Variants in MYRIP observed in about 807,000 individuals in gnomAD.
MYRIP encodes the protein rab effector MyRIP.
MYRIP carries 49 observed loss-of-function variants against 98.0 expected under a neutral mutation model. The ratio of observed to expected loss-of-function variants is 0.50; its 90% confidence interval spans 0.40 to 0.63. MYRIP has a LOEUF of 0.63. Among genes scored for constraint, MYRIP ranks in the 30% least tolerant of loss-of-function variants. MYRIP has a pLI of 0.00. For synonymous variants in MYRIP, 404 were observed against 409.5 expected (o/e 0.99, Z 0.16); for missense variants, 1,004 against 1,058.2 (o/e 0.95, Z 0.71).
chr3:40,177,043 C>T (rs192429980), intron 8 of MYRIP, among the ~76,000 whole-genome samples: 131 of 151,404 alleles, frequency 8.7e-4, no homozygotes, highest in Non-Finnish European at 1.4e-3. Context: ...CCACTGCACT[C>T]TAGCCTGGGC....
rs1233785668 is a variant in MYRIP, at chr3:40,210,017, A to G, written c.1829A>G (p.Lys610Arg). 1 of 1,614,042 alleles carries G rather than the reference A, an allele frequency of 6.2e-7. No homozygotes were observed. The highest frequency in any genetic ancestry group is 8.5e-7 in the Non-Finnish European group (1 of 1,179,998). ...GGGGAGGATCAGGAGTCTGAGCCCA[A>G]GACAGAATCTGAGAACCAGAAGGAA... ...SSGEDQESEP[K>R]TESENQKESL... Residue 610 changes from lysine (K) to arginine (R), a missense_variant, in exon 11 of 17, where the codon AAG (lysine) becomes AGG (arginine). By Grantham distance (26) the Lys-to-Arg change is conservative. Around this residue, in one of 3 missense-constraint regions of MYRIP, gnomAD observed 880 missense variants for 907.7 expected, o/e 0.97. Coordinates refer to ENST00000302541, the MANE Select transcript of MYRIP (RefSeq NM_015460.4).
chr3:39,920,579 T>C (rs1944282810), intron 2 of MYRIP, among the ~76,000 whole-genome samples: 1 of 152,242 alleles, frequency 6.6e-6, no homozygotes, highest in Admixed American at 6.5e-5. Flanking sequence ...GCAGGAACTA[T>C]ACAGTGGCTT....
chr3:39,942,138 A>ACC (rs1273035933), intron 2 of MYRIP, among the ~76,000 whole-genome samples: 1 of 152,124 alleles, frequency 6.6e-6, no homozygotes, highest in Non-Finnish European at 1.5e-5. Flanking sequence ...ACACCATAAC[A>ACC]ATGTTAGCAA....
intron 1 of MYRIP, among the ~76,000 whole-genome samples, chr3:39,898,811 A>C (rs1943676878): frequency 1.3e-5 from 2 of 152,218 alleles, no homozygotes. Flanking sequence ...ATAGTGATCT[A>C]TTATAATCAT....
chr3:40,150,093 T>C (rs1469086815), intron 3 of MYRIP, among the ~76,000 whole-genome samples: 1 of 151,984 alleles, frequency 6.6e-6, no homozygotes, highest in African/African-American at 2.4e-5. Flanking sequence ...TTTTTTTTTA[T>C]TTATTTTTAG....
Position 40,044,105 on chromosome 3 carries a change from C to G in MYRIP, c.166C>G (p.His56Asp), listed in dbSNP as rs973231349. 3 of 1,614,148 alleles carry G rather than the reference C, an allele frequency of 1.9e-6. No individual in the cohort carries two copies. Among genetic ancestry groups the G allele is most frequent in the Non-Finnish European group, 2.5e-6 (3 of 1,180,014 alleles). The change falls in exon 3 of 17, where the codon CAC becomes GAC. Residue 56 changes from histidine (H) to aspartate (D), a missense_variant. His to Asp is a moderately conservative substitution (Grantham distance 81). Transcript: ENST00000302541. The part of the protein sequence containing the change: ...EGSKCSILSK[H>D]QQFVEHCCMR... The stretch of plus-strand genomic sequence containing the variant: ...CAGCAAGTGCAGCATCCTCTCGAAG[C>G]ACCAGCAGTTTGTGGAGCACTGCTG...
At chr3:39,901,629 T>A (rs952142332) in intron 2 of MYRIP, among the ~76,000 whole-genome samples, 11 of 152,152 alleles carry the variant, frequency 7.2e-5, no homozygotes, top group African/African-American at 2.7e-4. Flanking sequence ...GTCTCCCTCA[T>A]CTATAAAACC....
At chr3:40,239,014 G>A (rs1363744489) in intron 12 of MYRIP, among the ~76,000 whole-genome samples, 4 of 150,234 alleles carry the variant, frequency 2.7e-5, no homozygotes, top group Admixed American at 2.0e-4. Flanking sequence ...CCACTAACTC[G>A]TCATCTAGCA....
intron 13 of MYRIP, among the ~76,000 whole-genome samples, chr3:40,249,309 C>T (rs1953299659): frequency 2.0e-5 from 3 of 152,148 alleles, no homozygotes; most frequent in South Asian, 2.1e-4. Flanking sequence ...CCTTTTCCAG[C>T]GTCCCCCATA....
chr3:39,854,926 C>T (rs1942241314), intron 1 of MYRIP, among the ~76,000 whole-genome samples: 1 of 152,126 alleles, frequency 6.6e-6, no homozygotes, highest in African/African-American at 2.4e-5. Context: ...GGTCTAGCCA[C>T]CCAGAGGGGC....
intron 2 of MYRIP, among the ~76,000 whole-genome samples, chr3:39,922,238 C>A (rs780289450): frequency 6.6e-6 from 1 of 152,134 alleles, no homozygotes; most frequent in Non-Finnish European, 1.5e-5. Flanking sequence ...ATCTCCAAAA[C>A]CAGCAAAAGC....
At chr3:40,161,307 C>T (rs538598352) in intron 4 of MYRIP, among the ~76,000 whole-genome samples, 10 of 152,344 alleles carry the variant, frequency 6.6e-5, no homozygotes, top group African/African-American at 2.2e-4. Flanking sequence ...AGGTGTTGTA[C>T]TAGAAGATTT....
chr3:40,074,329 C>T (rs1180049723), intron 3 of MYRIP, among the ~76,000 whole-genome samples: 1 of 152,066 alleles, frequency 6.6e-6, no homozygotes, highest in African/African-American at 2.4e-5. Flanking sequence ...CCACCTTGGC[C>T]TCCCAAAGTG....
intron 5 of MYRIP, among the ~76,000 whole-genome samples, chr3:40,163,227 T>C (rs1391329538): frequency 2.0e-5 from 3 of 152,252 alleles, no homozygotes; most frequent in Admixed American, 2.0e-4. Context: ...AACAAACTTC[T>C]AATTTCAAAT....
intron 2 of MYRIP, among the ~76,000 whole-genome samples, chr3:39,963,246 G>A (rs1210610439): frequency 6.6e-6 from 1 of 152,134 alleles, no homozygotes; most frequent in Non-Finnish European, 1.5e-5. Flanking sequence ...TGAGTGAACA[G>A]CCGGCAAAGT....
chr3:40,118,142 T>C (rs989002373), intron 3 of MYRIP, among the ~76,000 whole-genome samples: 1 of 152,208 alleles, frequency 6.6e-6, no homozygotes, highest in Non-Finnish European at 1.5e-5. Context: ...CATAATATGA[T>C]AAATGTAAAT....
chr3:40,252,407 C>A (rs1450459989), intron 16 of MYRIP, among the ~76,000 whole-genome samples: 1 of 152,114 alleles, frequency 6.6e-6, no homozygotes, highest in East Asian at 1.9e-4. Flanking sequence ...TTTGAGCCAA[C>A]TCTGGCCCCA....
intron 1 of MYRIP, among the ~76,000 whole-genome samples, chr3:39,859,189 G>T (rs1305849574): frequency 6.7e-6 from 1 of 149,212 alleles, no homozygotes; most frequent in African/African-American, 2.4e-5. Flanking sequence ...AACTCTAAAT[G>T]AAACAGGATA....
At chr3:40,204,249 A>C (rs1951734626) in intron 10 of MYRIP, among the ~76,000 whole-genome samples, 1 of 78,706 alleles carries the variant, frequency 1.3e-5, no homozygotes, top group Non-Finnish European at 2.4e-5. Flanking sequence ...TTTTTTTTTG[A>C]GACAGAGTCT....
Sources: allele counts gnomAD v4.1 joint callset (sites outside exome capture counted in the v4.1 genomes callset), GRCh38; gene constraint gnomAD v4.1.1; regional missense constraint gnomAD v4.1.1; transcripts MANE v1.5; gene names NCBI Gene and HGNC (gene_info 2026-07-23, HGNC 2026-07-21).